Variants in NRXN1 observed in about 807,000 individuals in gnomAD.
The protein encoded by NRXN1 is neurexin-1.
NRXN1 carries 39 observed loss-of-function variants against 150.9 expected under a neutral mutation model. That is an observed-to-expected ratio of 0.26 (90% confidence interval 0.20 to 0.34). NRXN1 has a LOEUF of 0.34. Among genes scored for constraint, NRXN1 ranks in the 10% least tolerant of loss-of-function variants. The pLI is 1.00. For missense variants in NRXN1, 1,815 were observed against 1,949.9 expected (o/e 0.93, Z 1.30); for synonymous variants, 924 against 757.0 (o/e 1.22, Z -3.62).
chr2:50,360,632 A>G (rs2079124491), intron 17 of NRXN1, among the ~76,000 whole-genome samples: 1 of 152,198 alleles, frequency 6.6e-6, no homozygotes, highest in African/African-American at 2.4e-5. Flanking sequence ...AGAGACCTAC[A>G]AAGAGACTTA....
chr2:50,510,719 T>G (rs939782341), intron 12 of NRXN1, among the ~76,000 whole-genome samples: 1 of 152,120 alleles, frequency 6.6e-6, no homozygotes, highest in Non-Finnish European at 1.5e-5. Context: ...AATTATTAAG[T>G]CTCAAAGGCA....
intron 17 of NRXN1, among the ~76,000 whole-genome samples, chr2:50,408,837 ATCTCTC>A (rs10522429): frequency 0.015 from 2,022 of 136,610 alleles, 24 homozygotes; most frequent in Non-Finnish European, 0.021. Flanking sequence ...ATCAATCTCA[ATCTCTC>A]TCTCTCTCTC....
At chr2:50,651,113 T>C (rs1441111078) in intron 5 of NRXN1, among the ~76,000 whole-genome samples, 1 of 151,964 alleles carries the variant, frequency 6.6e-6, no homozygotes, top group African/African-American at 2.4e-5. Context: ...CCAAATAAAT[T>C]GTAAGGTCCT....
intron 17 of NRXN1, among the ~76,000 whole-genome samples, chr2:50,455,326 T>C (rs1404364775): frequency 6.6e-6 from 1 of 152,164 alleles, no homozygotes; most frequent in Non-Finnish European, 1.5e-5. Flanking sequence ...TACATGGCCA[T>C]AGCTTTCAGG....
intron 18 of NRXN1, among the ~76,000 whole-genome samples, chr2:50,112,795 A>T (rs2152726767): frequency 6.6e-6 from 1 of 152,312 alleles, no homozygotes; most frequent in Non-Finnish European, 1.5e-5. Flanking sequence ...GATTAAAAAA[A>T]TAAAATGTTT....
intron 17 of NRXN1, among the ~76,000 whole-genome samples, chr2:50,278,756 T>C (rs2071007949): frequency 1.3e-5 from 2 of 152,076 alleles, no homozygotes; most frequent in African/African-American, 4.8e-5. Flanking sequence ...TCAATTATAG[T>C]ATGGCAAAAT....
At chr2:50,578,077 T>C (rs1402648338) in intron 8 of NRXN1, among the ~76,000 whole-genome samples, 1 of 152,164 alleles carries the variant, frequency 6.6e-6, no homozygotes, top group Non-Finnish European at 1.5e-5. Flanking sequence ...GACTACAATT[T>C]GGTACTGCTC....
chr2:50,274,353 C>T (rs1292668815), intron 17 of NRXN1, among the ~76,000 whole-genome samples: 1 of 152,082 alleles, frequency 6.6e-6, no homozygotes, highest in African/African-American at 2.4e-5. Context: ...AATGAGAACA[C>T]ATGGACACAG....
intron 2 of NRXN1, among the ~76,000 whole-genome samples, chr2:50,971,684 T>C (rs952349850): frequency 6.6e-6 from 1 of 152,234 alleles, no homozygotes; most frequent in Admixed American, 6.5e-5. Flanking sequence ...TTCATCCTCT[T>C]TATATTTTTA....
chr2:50,690,475 C>T (rs1473677983), intron 5 of NRXN1, among the ~76,000 whole-genome samples: 2 of 152,134 alleles, frequency 1.3e-5, no homozygotes, highest in African/African-American at 4.8e-5. Context: ...TATCATGAAG[C>T]CATCACAGCC....
intron 15 of NRXN1, among the ~76,000 whole-genome samples, chr2:50,474,081 A>G (rs1380515385): frequency 2.0e-5 from 3 of 151,906 alleles, no homozygotes; most frequent in African/African-American, 7.2e-5. Context: ...ACTATTAACC[A>G]TCATTCTTAA....
intron 17 of NRXN1, among the ~76,000 whole-genome samples, chr2:50,263,059 T>A (rs1256791950): frequency 6.6e-6 from 1 of 151,908 alleles, no homozygotes; most frequent in Non-Finnish European, 1.5e-5. Flanking sequence ...CTCCACACAC[T>A]GGCTGAATTT....
chr2:50,828,409 G>A (rs13412290), intron 5 of NRXN1, among the ~76,000 whole-genome samples: 52,999 of 147,322 alleles, frequency 0.36, 10,326 homozygotes, highest in Non-Finnish European at 0.47. Context: ...GCTGCCGGGC[G>A]GAGGGGCTCC....
chr2:50,442,928 ATATT>A (rs1252480346), intron 17 of NRXN1, among the ~76,000 whole-genome samples: 2 of 152,146 alleles, frequency 1.3e-5, no homozygotes, highest in Non-Finnish European at 2.9e-5. Flanking sequence ...TATCTGAAAA[ATATT>A]TAATGAATTT....
chr2:50,829,437 T>A (rs1184333432), intron 5 of NRXN1: 1 of 1,515,156 alleles, frequency 6.6e-7, no homozygotes, highest in Non-Finnish European at 9.1e-7. Flanking sequence ...TAACTCAGGA[T>A]TTTTCCCTTT....
At chr2:50,368,593 C>G (rs1207035044) in intron 17 of NRXN1, among the ~76,000 whole-genome samples, 1 of 151,890 alleles carries the variant, frequency 6.6e-6, no homozygotes, top group Admixed American at 6.6e-5. Flanking sequence ...TTAAAAGATA[C>G]TTTGAAAAAC....
chr2:50,704,861 G>A (rs907038727), intron 5 of NRXN1, among the ~76,000 whole-genome samples: 15 of 151,718 alleles, frequency 9.9e-5, no homozygotes, highest in African/African-American at 3.6e-4. Context: ...ATTTACAATA[G>A]TTTCTAAATA....
chr2:50,377,992 T>C (rs1273632009), intron 17 of NRXN1, among the ~76,000 whole-genome samples: 12 of 152,196 alleles, frequency 7.9e-5, no homozygotes, highest in Admixed American at 7.2e-4. Context: ...CAATATCATC[T>C]AGCTCTCTGA....
chr2:50,237,851 G>T (rs1047936519), intron 17 of NRXN1, among the ~76,000 whole-genome samples: 7 of 151,994 alleles, frequency 4.6e-5, no homozygotes, highest in Non-Finnish European at 8.8e-5. Flanking sequence ...TATGTTGAGG[G>T]CAGGGCCTGG....
Sources: allele counts gnomAD v4.1 joint callset (sites outside exome capture counted in the v4.1 genomes callset), GRCh38; gene constraint gnomAD v4.1.1; transcripts MANE v1.5; gene names NCBI Gene and HGNC (gene_info 2026-07-23, HGNC 2026-07-21).